The following PIBF1 variants were observed in gnomAD, a reference collection of about 807,000 sequenced individuals.
PIBF1 encodes the protein progesterone-induced-blocking factor 1.
In PIBF1, 90 loss-of-function variants were observed where a neutral mutation model predicts 112.5. The observed-to-expected ratio is 0.80, with a 90% CI of 0.67 to 0.95. The LOEUF (loss-of-function observed/expected upper bound fraction) is 0.95, where lower values mean the gene tolerates loss of function less well. Among genes scored for constraint, PIBF1 ranks in the 40% least tolerant of loss-of-function variants. The pLI, the probability that PIBF1 is intolerant of heterozygous loss-of-function variation, is 0.00. For missense variants in PIBF1, 915 were observed against 852.3 expected, an observed-to-expected ratio of 1.07 and a Z score of -0.92; for synonymous variants, 301 against 288.6, an observed-to-expected ratio of 1.04 and a Z score of -0.44.
intron 5 of PIBF1, among the ~76,000 whole-genome samples, chr13:72,808,653 A>T (rs1291383773): frequency 1.3e-5 from 2 of 152,118 alleles, no homozygotes; most frequent in Admixed American, 6.5e-5. Context: ...TGTTGTTTAG[A>T]GGGTAGCCAG....
intron 15 of PIBF1, chr13:72,969,903 A>G (rs891538974): frequency 5.0e-4 from 76 of 152,306 alleles, no homozygotes; most frequent in African/African-American, 1.8e-3. Flanking sequence ...AAATTTAAAC[A>G]TTAATGATGG....
At chr13:72,850,847 C>T (rs1353560869) in intron 9 of PIBF1, among the ~76,000 whole-genome samples, 1 of 152,138 alleles carries the variant, frequency 6.6e-6, no homozygotes, top group East Asian at 1.9e-4. Context: ...ATCAGGATGA[C>T]ATCTGAAAAT....
In PIBF1 at chr13:72,927,958, T is replaced by TATATATATATAC. The variant is rs1354110275; in HGVS notation, c.1731-3206_1731-3205insTATATATATACA. On this transcript the variant is annotated intron_variant, in intron 13 of 17. Coordinates refer to ENST00000326291, the MANE Select transcript of PIBF1 (RefSeq NM_006346.4). The stretch of plus-strand genomic sequence containing the variant: ...TAATATATGTGTGTATATATATATA[T>TATATATATATAC]ACACATATATATATATATACATATA... 1.2e-3 allele frequency among the ~76,000 whole-genome samples: 88 copies of TATATATATATAC among 73,118 alleles called. 2 individuals carry two copies. The highest frequency in any genetic ancestry group is 4.8e-3 in the African/African-American group (85 of 17,530). The allele number at this position is 73,118 out of a possible 152,430, so 48.0% of individuals were successfully genotyped here. A position where few individuals can be genotyped will look rare whatever the true frequency, so the allele number is the denominator to read the frequency against.
At chr13:72,819,130 A>T (rs1472552146) in intron 5 of PIBF1, among the ~76,000 whole-genome samples, 2 of 152,132 alleles carry the variant, frequency 1.3e-5, no homozygotes, top group African/African-American at 4.8e-5. Context: ...GGGATGGGAA[A>T]ATCATATGCC....
intron 17 of PIBF1, among the ~76,000 whole-genome samples, chr13:73,015,445 A>G (rs9318134): frequency 0.62 from 94,819 of 152,088 alleles, 31,852 homozygotes; most frequent in East Asian, 0.85. Flanking sequence ...GTAAATACTT[A>G]GAAATTCATA....
rs1266374498 is a variant in PIBF1, at chr13:72,893,903, TCA to T, written c.1447_1448del (p.Gln483ValfsTer6). 5 of 1,609,070 alleles carry T rather than the reference TCA, an allele frequency of 3.1e-6. No homozygotes were observed. The highest frequency in any genetic ancestry group is 1.7e-5 in the Admixed American group (1 of 59,334). On this transcript the variant is annotated frameshift_variant, in exon 11 of 18. Transcript: ENST00000326291. LOFTEE classifies it high-confidence loss of function. The stretch of plus-strand genomic sequence containing the variant: ...CTGCAAGAGGAAACAGCAAGAAATC[TCA>T]CACAGTGTCAATTGGAATGTGAAAA...
intron 11 of PIBF1, among the ~76,000 whole-genome samples, chr13:72,895,832 G>A (rs1008610933): frequency 1.6e-4 from 25 of 152,068 alleles, no homozygotes; most frequent in Non-Finnish European, 3.4e-4. Context: ...TGCAGGACCC[G>A]GAAGACACCC....
At chr13:72,904,180 T>C (rs2040598955) in intron 11 of PIBF1, among the ~76,000 whole-genome samples, 2 of 151,988 alleles carry the variant, frequency 1.3e-5, no homozygotes, top group Non-Finnish European at 1.5e-5. Context: ...CCTTTCTGCA[T>C]ATGAAGGTTT....
At chr13:72,817,919 G>C (rs1451673250) in intron 5 of PIBF1, among the ~76,000 whole-genome samples, 1 of 152,078 alleles carries the variant, frequency 6.6e-6, no homozygotes, top group Non-Finnish European at 1.5e-5. Context: ...AAATACGAAA[G>C]TAATAATTTC....
At chr13:72,825,292 A>C (rs2036751316) in intron 6 of PIBF1, among the ~76,000 whole-genome samples, 1 of 152,248 alleles carries the variant, frequency 6.6e-6, no homozygotes, top group African/African-American at 2.4e-5. Flanking sequence ...TGATAATTAT[A>C]CTGTGATTAT....
At chr13:72,868,198 G>A (rs1594087414) in intron 10 of PIBF1, among the ~76,000 whole-genome samples, 1 of 152,162 alleles carries the variant, frequency 6.6e-6, no homozygotes, top group East Asian at 1.9e-4. Flanking sequence ...CTCCTCAGGA[G>A]GCTGAGGTTG....
At chr13:72,951,576 G>T (rs1460260923) in intron 14 of PIBF1, among the ~76,000 whole-genome samples, 2 of 152,024 alleles carry the variant, frequency 1.3e-5, no homozygotes, top group Non-Finnish European at 2.9e-5. Flanking sequence ...AATCTGAAAG[G>T]GCTACGTACG....
rs542557099 is a variant in PIBF1 at position 72,853,008 on chromosome 13, A to G, written c.1224-1049A>G. Among the ~76,000 whole-genome samples the G allele has an allele frequency of 3.3e-5, 5 of 152,188 alleles. No individual in the cohort carries two copies. The South Asian group carries it at 1.0e-3, about 32-fold the overall frequency. ...TTGTAGGGATTAAGTGAGCAAAATC[A>G]TTTATATTACATTCTTTTTATTTAT... On this transcript the variant is annotated intron_variant, in intron 9 of 17. Coordinates refer to ENST00000326291, the MANE Select transcript of PIBF1 (RefSeq NM_006346.4).
chr13:73,006,168 C>G (rs1299642423), intron 17 of PIBF1, among the ~76,000 whole-genome samples: 1 of 152,120 alleles, frequency 6.6e-6, no homozygotes, highest in Non-Finnish European at 1.5e-5. Flanking sequence ...ATCTGCCCAC[C>G]TCGGCCTCCC....
At chr13:72,933,677 A>G (rs1252544785) in intron 14 of PIBF1, among the ~76,000 whole-genome samples, 1 of 152,232 alleles carries the variant, frequency 6.6e-6, no homozygotes, top group African/African-American at 2.4e-5. Flanking sequence ...ATAAAAAGAA[A>G]GAATTTCTAA....
Position 72,973,629 on chromosome 13 carries a change from A to G in PIBF1, c.2003A>G (p.Lys668Arg), listed in dbSNP as rs1231105462. Residue 668 changes from lysine (K) to arginine (R), a missense_variant, in exon 16 of 18, where the codon AAG becomes AGG. Coordinates refer to ENST00000326291, the MANE Select transcript of PIBF1 (RefSeq NM_006346.4). ...NKEKSALLQT[K>R]NQMALDLEQL... ...GAAAAGTCAGCTTTACTACAGACGA[A>G]GAATCAAATGGCATTAGATTTAGAA... The G allele has an allele frequency of 6.3e-7, 1 of 1,580,470 alleles. No individual in the cohort carries two copies. The highest frequency in any genetic ancestry group is 1.4e-5 in the African/African-American group (1 of 73,112).
chr13:72,996,286 G>A (rs1330889296), intron 16 of PIBF1, among the ~76,000 whole-genome samples: 1 of 144,628 alleles, frequency 6.9e-6, no homozygotes, highest in African/African-American at 2.6e-5. Flanking sequence ...AAAAAAAACT[G>A]CTCAACTTCA....
chr13:72,943,212 G>A (rs1218303287), intron 14 of PIBF1, among the ~76,000 whole-genome samples: 1 of 152,124 alleles, frequency 6.6e-6, no homozygotes, highest in Admixed American at 6.6e-5. Context: ...GGAAGGTGAA[G>A]ATGGGGAATG....
intron 10 of PIBF1, among the ~76,000 whole-genome samples, chr13:72,858,134 C>G (rs946484206): frequency 8.6e-5 from 13 of 151,898 alleles, no homozygotes; most frequent in Non-Finnish European, 1.6e-4. Flanking sequence ...TCGCTGCAGC[C>G]TCTGCCTCCC....
Sources: allele counts gnomAD v4.1 joint callset (sites outside exome capture counted in the v4.1 genomes callset), GRCh38; gene constraint gnomAD v4.1.1; transcripts MANE v1.5; gene names NCBI Gene and HGNC (gene_info 2026-07-23, HGNC 2026-07-21).